Variants in PTPRN2 observed in about 807,000 individuals in gnomAD.
PTPRN2 encodes the protein protein tyrosine phosphatase receptor type N2, also known as receptor-type tyrosine-protein phosphatase N2.
PTPRN2 carries 74 observed loss-of-function variants against 118.8 expected under a neutral mutation model. The observed-to-expected ratio is 0.62, with a 90% confidence interval of 0.52 to 0.76. PTPRN2 has a LOEUF of 0.76. Ranked by LOEUF, PTPRN2 falls within the 30% of genes least tolerant of loss-of-function variation. The pLI is 0.00. For synonymous variants in PTPRN2, 641 were observed against 608.0 expected (o/e 1.05, Z -0.80); for missense variants, 1,481 against 1,394.4 (o/e 1.06, Z -0.99).
chr7:157,994,218 A>G (rs56737610), intron 11 of PTPRN2, among the ~76,000 whole-genome samples: 18,257 of 152,092 alleles, frequency 0.12, 3,655 homozygotes, highest in African/African-American at 0.42. Context: ...AGGGCAGGTG[A>G]CTCGCTCTGA....
At chr7:157,643,967 G>A (rs959227439) in intron 14 of PTPRN2, among the ~76,000 whole-genome samples, 8 of 152,222 alleles carry the variant, frequency 5.3e-5, no homozygotes, top group South Asian at 2.1e-4. Context: ...AGCTTCCCCC[G>A]TGGGACTGTG....
chr7:158,543,794 T>A (rs1826131638), intron 1 of PTPRN2, among the ~76,000 whole-genome samples: 1 of 152,240 alleles, frequency 6.6e-6, no homozygotes, highest in Non-Finnish European at 1.5e-5. Flanking sequence ...AGTCAATCTC[T>A]TTCCTCACAA....
At position 157,784,684 on chromosome 7, in the gene PTPRN2, C is replaced by T. The variant is rs866415138; in HGVS notation, c.1789-101747G>A. On this transcript the variant is annotated intron_variant, in intron 12 of 22. Coordinates refer to ENST00000389418, the MANE Select transcript of PTPRN2 (RefSeq NM_002847.5). The surrounding 1 kb of genome is among the most constrained non-coding windows in gnomAD (Gnocchi z 4.6). ...AAACGGGCAGGGGCTGGGCTGATCCCGTATGAAACGGGCAGGGGCTGAGCT... is the reference window on the plus strand; with the variant it reads ...AAACGGGCAGGGGCTGGGCTGATCCTGTATGAAACGGGCAGGGGCTGAGCT... Among the ~76,000 whole-genome samples the T allele has an allele frequency of 5.9e-5, 9 of 151,692 alleles. No homozygotes were observed. The highest frequency in any genetic ancestry group is 8.8e-5 in the Non-Finnish European group (6 of 67,874).
intron 12 of PTPRN2, among the ~76,000 whole-genome samples, chr7:157,722,611 G>T (rs1799303821): frequency 6.6e-6 from 1 of 152,208 alleles, no homozygotes; most frequent in South Asian, 2.1e-4. Flanking sequence ...CGTGGCCCGA[G>T]TGTGGGCCTG....
intron 17 of PTPRN2, among the ~76,000 whole-genome samples, chr7:157,579,646 C>G (rs1220978611): frequency 6.6e-6 from 1 of 152,254 alleles, no homozygotes; most frequent in African/African-American, 2.4e-5. Context: ...AAGCCGCACT[C>G]ATTGGCTCTC....
chr7:157,811,689 G>A (rs578010804), intron 12 of PTPRN2, among the ~76,000 whole-genome samples: 2 of 152,156 alleles, frequency 1.3e-5, no homozygotes, highest in African/African-American at 4.8e-5. Flanking sequence ...ATGGGAGACT[G>A]ATGCTCCCCA....
chr7:157,941,942 A>C (rs1800154499), intron 11 of PTPRN2, among the ~76,000 whole-genome samples: 3 of 152,072 alleles, frequency 2.0e-5, no homozygotes, highest in South Asian at 4.1e-4. Context: ...CTGCAGCAAC[A>C]CACAGGGGTC....
At chr7:158,114,373 G>A (rs1816554595) in intron 9 of PTPRN2, among the ~76,000 whole-genome samples, 2 of 152,162 alleles carry the variant, frequency 1.3e-5, no homozygotes, top group Non-Finnish European at 2.9e-5. Flanking sequence ...CATCTGCTTT[G>A]GGAACCCCTT....
At chr7:157,834,737 C>T (rs192597255) in intron 12 of PTPRN2, among the ~76,000 whole-genome samples, 9 of 152,358 alleles carry the variant, frequency 5.9e-5, no homozygotes, top group South Asian at 2.1e-4. Context: ...AGCCTGGAGC[C>T]GGCCTGCAGG....
At chr7:157,669,128 G>C (rs777356173) in intron 13 of PTPRN2, among the ~76,000 whole-genome samples, 5 of 152,292 alleles carry the variant, frequency 3.3e-5, no homozygotes, top group Middle Eastern at 3.4e-3. Flanking sequence ...CGGGGTCTGG[G>C]TGCATCTGGG....
chr7:157,662,120 A>C (rs1235914403), intron 13 of PTPRN2, among the ~76,000 whole-genome samples: 2 of 152,174 alleles, frequency 1.3e-5, no homozygotes, highest in Non-Finnish European at 2.9e-5. Flanking sequence ...TTCAGGTCTT[A>C]CTGACTGTGT....
intron 2 of PTPRN2, among the ~76,000 whole-genome samples, chr7:158,484,417 C>T (rs1820856989): frequency 6.6e-6 from 1 of 152,208 alleles, no homozygotes; most frequent in Non-Finnish European, 1.5e-5. Context: ...GACTGGAGTG[C>T]AATGGTGTGA....
chr7:158,364,782 G>A (rs1809302084), intron 2 of PTPRN2, among the ~76,000 whole-genome samples: 1 of 152,070 alleles, frequency 6.6e-6, no homozygotes, highest in South Asian at 2.1e-4. Context: ...ACACACACAG[G>A]TCTCCAGGCA....
At chr7:158,144,806 A>C (rs2150484280) in intron 6 of PTPRN2, among the ~76,000 whole-genome samples, 1 of 152,346 alleles carries the variant, frequency 6.6e-6, no homozygotes, top group East Asian at 1.9e-4. Context: ...AGTCCTGCTT[A>C]ACACAAAGAC....
intron 11 of PTPRN2, among the ~76,000 whole-genome samples, chr7:158,004,832 T>C (rs1284691357): frequency 6.6e-6 from 1 of 152,238 alleles, no homozygotes; most frequent in Non-Finnish European, 1.5e-5. Flanking sequence ...CCAAATTTCA[T>C]CTTTAAAATG....
chr7:158,207,715 C>G (rs1291195140), intron 3 of PTPRN2, among the ~76,000 whole-genome samples: 3 of 152,104 alleles, frequency 2.0e-5, no homozygotes, highest in Non-Finnish European at 4.4e-5. Context: ...CAATAAATAC[C>G]TAACTCAGAC....
intron 11 of PTPRN2, among the ~76,000 whole-genome samples, chr7:157,921,427 A>G (rs892334354): frequency 6.6e-6 from 1 of 152,176 alleles, no homozygotes; most frequent in Non-Finnish European, 1.5e-5. Flanking sequence ...ACTTGCCCAA[A>G]CCCACAGAAT....
rs1465393861 is a variant in PTPRN2 at position 157,784,798 on chromosome 7, T to C, written c.1789-101861A>G. 6.6e-6 allele frequency among the ~76,000 whole-genome samples: 1 copy of C among 152,110 alleles called. No homozygotes were observed. The highest frequency in any genetic ancestry group is 1.5e-5 in the Non-Finnish European group (1 of 68,026). On this transcript the variant is annotated intron_variant, in intron 12 of 22. Coordinates refer to ENST00000389418, the MANE Select transcript of PTPRN2 (RefSeq NM_002847.5). This position sits in a 1 kb window ranked among gnomAD's most constrained non-coding sequence, Gnocchi z 4.6. ...CCACACCCGGCCTCTCTGCAGCTAATGGAAGGAAATGAACCCATCGTGTGG... is the reference window on the plus strand; with the variant it reads ...CCACACCCGGCCTCTCTGCAGCTAACGGAAGGAAATGAACCCATCGTGTGG...
At position 158,525,724 on chromosome 7, in the gene PTPRN2, G is replaced by A. The variant is rs1043434041; in HGVS notation, c.113-35939C>T. On this transcript the variant is annotated intron_variant, in intron 1 of 22. Transcript: ENST00000389418. The surrounding 1 kb of genome is among the most constrained non-coding windows in gnomAD (Gnocchi z 4.1). ...CCCTCCTCATTCCCAAGCAGCCCTC[G>A]GGGGCAGATGCCCCCATCTCCCAGG... Among the ~76,000 whole-genome samples, 2 of 152,070 alleles carry A rather than the reference G, an allele frequency of 1.3e-5. No homozygotes were observed. Among genetic ancestry groups the A allele is most frequent in the African/African-American group, 4.8e-5 (2 of 41,408 alleles).
Sources: allele counts gnomAD v4.1 joint callset (sites outside exome capture counted in the v4.1 genomes callset), GRCh38; gene constraint gnomAD v4.1.1; non-coding constraint Gnocchi (gnomAD v3.1); transcripts MANE v1.5; gene names NCBI Gene and HGNC (gene_info 2026-07-23, HGNC 2026-07-21).